Variants in ARHGAP12 observed in about 807,000 individuals in gnomAD.
ARHGAP12 encodes the protein rho GTPase-activating protein 12.
In ARHGAP12, 64 loss-of-function variants were observed where a neutral mutation model predicts 108.6. The observed-to-expected ratio is 0.59, with a 90% CI of 0.48 to 0.73. The LOEUF is 0.73. Among genes scored for constraint, ARHGAP12 ranks in the 30% least tolerant of loss-of-function variants. ARHGAP12 has a pLI of 0.00. For synonymous variants in ARHGAP12, 312 were observed against 337.2 expected, an observed-to-expected ratio of 0.93 and a Z score of 0.82; for missense variants, 940 against 1,005.9, an observed-to-expected ratio of 0.93 and a Z score of 0.89.
chr10:31,906,178 C>G (rs1839126208), intron 3 of ARHGAP12, among the ~76,000 whole-genome samples: 2 of 152,260 alleles, frequency 1.3e-5, no homozygotes, highest in South Asian at 4.2e-4. Context: ...CCCCTCCAGC[C>G]CCAGCCTTCA....
At chr10:31,808,293 C>A (rs892545537) in intron 19 of ARHGAP12, among the ~76,000 whole-genome samples, 1 of 151,898 alleles carries the variant, frequency 6.6e-6, no homozygotes, top group Non-Finnish European at 1.5e-5. Flanking sequence ...GATGAAAGAA[C>A]TTGGTTATTA....
Position 31,856,902 on chromosome 10 carries a change from T to C in ARHGAP12, c.949-2696A>G, listed in dbSNP as rs111282301. Among the ~76,000 whole-genome samples the C allele has an allele frequency of 3.4e-3, 511 of 152,252 alleles. 4 individuals carry two copies. Among genetic ancestry groups the C allele is most frequent in the Non-Finnish European group, 4.6e-3 (310 of 68,010 alleles). ...CAACATATAGTCTTCACTGGATCCT[T>C]CACTGCAGGAAAAAAAACTATAAAG... On this transcript the variant is annotated intron_variant, in intron 4 of 19. Coordinates refer to ENST00000344936, the MANE Select transcript of ARHGAP12 (RefSeq NM_018287.7).
Position 31,852,616 on chromosome 10 carries a change from T to C in ARHGAP12, c.1090-19A>G. 1 of 1,561,578 alleles carries C rather than the reference T, an allele frequency of 6.4e-7. No individual in the cohort carries two copies. The highest frequency in any genetic ancestry group is 1.1e-5 in the South Asian group (1 of 89,378). On this transcript the variant is annotated intron_variant, in intron 5 of 19. Coordinates refer to ENST00000344936, the MANE Select transcript of ARHGAP12 (RefSeq NM_018287.7). ...TGAGCCACTATAAAAACAGAACAGG[T>C]GTTTTTTATTAAATTTAAATAAAAG...
At position 31,849,780 on chromosome 10, in the gene ARHGAP12, C is replaced by T. The variant is rs558472722; in HGVS notation, c.1170+2737G>A. Among the ~76,000 whole-genome samples the T allele has an allele frequency of 1.5e-4, 23 of 152,286 alleles. No homozygotes were observed. In the South Asian group the frequency reaches 3.9e-3, roughly 26 times the overall value. ...TAGTATCACAAAACTGAGGATTCAA[C>T]GCTGGTCACAATCAGTACCCATTTC... On this transcript the variant is annotated intron_variant, in intron 6 of 19. Coordinates refer to ENST00000344936, the MANE Select transcript of ARHGAP12 (RefSeq NM_018287.7).
At chr10:31,868,538 T>C (rs537315573) in intron 3 of ARHGAP12, among the ~76,000 whole-genome samples, 3 of 152,124 alleles carry the variant, frequency 2.0e-5, no homozygotes, top group African/African-American at 7.2e-5. Flanking sequence ...AGGAAGTCAA[T>C]GGGTCATCAG....
chr10:31,807,582 A>G lies in ARHGAP12; in HGVS notation c.*76T>C. The G allele has an allele frequency of 6.9e-7, 1 of 1,456,856 alleles. No homozygotes were observed. The highest frequency in any genetic ancestry group is 9.2e-7 in the Non-Finnish European group (1 of 1,086,356). The allele number at this position is 1,456,856 out of a possible 1,614,324, so 90.2% of individuals were successfully genotyped here. The stretch of plus-strand genomic sequence containing the variant: ...AAAGAGTCACTGCTTGGTCCAAAAA[A>G]TAAAATACATTGTGTATAAACATTT... On this transcript the variant is annotated 3_prime_UTR_variant, in exon 20 of 20. Coordinates refer to ENST00000344936, the MANE Select transcript of ARHGAP12 (RefSeq NM_018287.7).
Position 31,808,769 on chromosome 10 carries a change from C to T in ARHGAP12, c.2264-18G>A, listed in dbSNP as rs759296561. ...TTCTTGCTCTGAAAAAAGATAATAA[C>T]CAGATATTTTACAGCAAATTCTTAT... On this transcript the variant is annotated intron_variant, in intron 18 of 19. Coordinates refer to ENST00000344936, the MANE Select transcript of ARHGAP12 (RefSeq NM_018287.7). 1 of 1,610,010 alleles carries T rather than the reference C, an allele frequency of 6.2e-7. No individual in the cohort carries two copies. The highest frequency in any genetic ancestry group is 1.7e-5 in the Admixed American group (1 of 59,662).
At chr10:31,846,285 A>G (rs1297192495) in intron 6 of ARHGAP12, among the ~76,000 whole-genome samples, 2 of 152,188 alleles carry the variant, frequency 1.3e-5, no homozygotes, top group African/African-American at 4.8e-5. Context: ...CCAGGACAAA[A>G]GTCTCCTCAG....
intron 3 of ARHGAP12, among the ~76,000 whole-genome samples, chr10:31,902,556 G>A (rs2132437458): frequency 6.6e-6 from 1 of 151,888 alleles, no homozygotes; most frequent in East Asian, 1.9e-4. Context: ...CATGCCTGTA[G>A]TCACAACTAC....
chr10:31,924,618 T>C (rs1305730391), intron 1 of ARHGAP12, among the ~76,000 whole-genome samples: 1 of 152,170 alleles, frequency 6.6e-6, no homozygotes, highest in African/African-American at 2.4e-5. Flanking sequence ...CATTACACTT[T>C]AATAAAACTG....
chr10:31,849,057 T>TAA (rs776665652), intron 6 of ARHGAP12, among the ~76,000 whole-genome samples: 5 of 143,988 alleles, frequency 3.5e-5, no homozygotes, highest in Admixed American at 6.9e-5. Context: ...GACTCGTCTT[T>TAA]AAAAAAAAAA....
At chr10:31,818,433 C>T (rs563771131) in intron 12 of ARHGAP12, among the ~76,000 whole-genome samples, 50 of 152,294 alleles carry the variant, frequency 3.3e-4, no homozygotes, top group African/African-American at 1.1e-3. Flanking sequence ...AATTAAGTGT[C>T]AGATCATGAG....
rs1351389108 is a variant in ARHGAP12, at chr10:31,839,686, C to G, written c.1322G>C (p.Cys441Ser). Residue 441 changes from cysteine to serine, a missense_variant, in exon 8 of 20, where the codon TGC (cysteine) becomes TCC (serine). Transcript: ENST00000344936. ...GGGAGAAGACTCATTTTCAGGAAAGCAGGGTTTTGAGGCAGTTGGAGATTC... is the reference window on the plus strand; with the variant it reads ...GGGAGAAGACTCATTTTCAGGAAAGGAGGGTTTTGAGGCAGTTGGAGATTC... Reference protein sequence around the residue: ...DKESPTASKPCFPENESSPSS... With the variant: ...DKESPTASKPSFPENESSPSS... The G allele has an allele frequency of 1.0e-5, 16 of 1,607,850 alleles. No individual in the cohort carries two copies. The highest frequency in any genetic ancestry group is 1.4e-5 in the Non-Finnish European group (16 of 1,175,982).
chr10:31,908,896 T>A lies in ARHGAP12; in HGVS notation c.-41A>T. ...TCTCAAAAAGGATGTTATACCACATTATGGCTTTATGGCTTGTTGGATGAA... is the reference window on the plus strand; with the variant it reads ...TCTCAAAAAGGATGTTATACCACATAATGGCTTTATGGCTTGTTGGATGAA... On this transcript the variant is annotated 5_prime_UTR_variant, in exon 3 of 20. Transcript: ENST00000344936. 1.1e-5 allele frequency: 16 copies of A among 1,476,332 alleles called. No homozygotes were observed. Among genetic ancestry groups the A allele is most frequent in the Non-Finnish European group, 1.4e-5 (16 of 1,105,330 alleles). 91.5% of individuals were successfully genotyped at this position (1,476,332 alleles called of 1,614,324 possible). A position where few individuals can be genotyped will look rare whatever the true frequency, so the allele number is the denominator to read the frequency against.
At chr10:31,844,544 G>T (rs1836380810) in intron 6 of ARHGAP12, among the ~76,000 whole-genome samples, 1 of 151,992 alleles carries the variant, frequency 6.6e-6, no homozygotes, top group South Asian at 2.1e-4. Context: ...ATGCTTGTTT[G>T]TTTGTTGAGA....
chr10:31,808,250 TTTTG>T (rs1834893504), intron 19 of ARHGAP12, among the ~76,000 whole-genome samples: 1 of 152,164 alleles, frequency 6.6e-6, no homozygotes, highest in Non-Finnish European at 1.5e-5. Context: ...AGCTGGGATT[TTTTG>T]TTTTAGTATT....
intron 11 of ARHGAP12, among the ~76,000 whole-genome samples, chr10:31,825,654 T>C: frequency 6.6e-6 from 1 of 152,096 alleles, no homozygotes; most frequent in African/African-American, 2.4e-5. Flanking sequence ...AAGGAGACAA[T>C]ATATACACAA....
intron 3 of ARHGAP12, among the ~76,000 whole-genome samples, chr10:31,903,272 G>C (rs922145471): frequency 1.3e-5 from 2 of 152,188 alleles, no homozygotes; most frequent in Middle Eastern, 6.8e-3. Context: ...AATACTGTAG[G>C]CAACTGGAAC....
intron 15 of ARHGAP12, among the ~76,000 whole-genome samples, chr10:31,811,463 AG>A (rs1159732673): frequency 4.6e-5 from 7 of 152,106 alleles, no homozygotes; most frequent in African/African-American, 1.7e-4. Flanking sequence ...AAGGACATAA[AG>A]TGACAACAGT....
Sources: gnomAD v4.1 joint callset for allele counts (sites outside exome capture counted in the v4.1 genomes callset) on GRCh38, gnomAD v4.1.1 for gene constraint, MANE v1.5 for transcripts, NCBI Gene and HGNC (gene_info 2026-07-23, HGNC 2026-07-21) for gene names.